BAZ2B: variants seen among roughly 807,000 people sequenced by gnomAD.
BAZ2B encodes the protein bromodomain adjacent to zinc finger domain protein 2B.
Under a neutral mutation model 246.0 loss-of-function variants are expected in BAZ2B, and 91 were observed. That is an observed-to-expected ratio of 0.37 (90% CI 0.31 to 0.44). The LOEUF is 0.44. Ranked by LOEUF, BAZ2B falls within the 20% of genes least tolerant of loss-of-function variation. BAZ2B has a pLI of 1.00. For missense variants in BAZ2B, 2,332 were observed against 2,533.7 expected (o/e 0.92, Z 1.71); for synonymous variants, 855 against 860.0 (o/e 0.99, Z 0.10).
chr2:159,564,599 GAAAA>G (rs201646075), intron 1 of BAZ2B, among the ~76,000 whole-genome samples: 1 of 151,640 alleles, frequency 6.6e-6, no homozygotes, highest in Admixed American at 6.6e-5. Context: ...GACTAAACAA[GAAAA>G]AAAACAGAAT....
At chr2:159,425,511 A>T (rs2069649854) in intron 13 of BAZ2B, among the ~76,000 whole-genome samples, 1 of 152,194 alleles carries the variant, frequency 6.6e-6, no homozygotes, top group South Asian at 2.1e-4. Context: ...TAAAACAAGC[A>T]AATTTTAGAA....
intron 6 of BAZ2B, among the ~76,000 whole-genome samples, chr2:159,440,866 A>T (rs1230225488): frequency 6.6e-6 from 1 of 152,050 alleles, no homozygotes; most frequent in Non-Finnish European, 1.5e-5. Context: ...TCTTTCAAAG[A>T]TACACACTTC....
intron 1 of BAZ2B, chr2:159,615,148 GAAAGA>G (rs1184479018): frequency 6.6e-6 from 1 of 152,126 alleles, no homozygotes; most frequent in Non-Finnish European, 1.5e-5. Flanking sequence ...TACAGAGGGA[GAAAGA>G]AAAGAAGAGA....
At chr2:159,356,415 C>T (rs780822369) in intron 27 of BAZ2B, among the ~76,000 whole-genome samples, 26 of 152,202 alleles carry the variant, frequency 1.7e-4, no homozygotes, top group Admixed American at 3.3e-4. Flanking sequence ...TCAGCAAAGC[C>T]GCTGTAGCCA....
intron 30 of BAZ2B, 91 bp from the exon 31 acceptor site, chr2:159,347,737 A>T: frequency 9.3e-7 from 1 of 1,074,010 alleles, no homozygotes; most frequent in Non-Finnish European, 1.3e-6. Flanking sequence ...ATTCTAGGAG[A>T]CCCATGTACA....
chr2:159,507,127 T>C (rs986443312), intron 2 of BAZ2B, among the ~76,000 whole-genome samples: 3 of 152,148 alleles, frequency 2.0e-5, no homozygotes, highest in Non-Finnish European at 4.4e-5. Context: ...TAATTACAAA[T>C]CAAGGCCTTC....
intron 1 of BAZ2B, among the ~76,000 whole-genome samples, chr2:159,597,537 A>AT (rs1239365579): frequency 2.0e-5 from 3 of 151,788 alleles, no homozygotes; most frequent in African/African-American, 7.2e-5. Flanking sequence ...ACTTTTTAAA[A>AT]TTTTTTTTTG....
intron 19 of BAZ2B, 64 bp downstream of exon 19, chr2:159,397,281 A>G (rs539482321): frequency 7.4e-7 from 1 of 1,353,430 alleles, no homozygotes; most frequent in East Asian, 2.3e-5. Flanking sequence ...ATTTTCCCCC[A>G]AATAGGTTTA....
chr2:159,327,715 G>C (rs1046997974), intron 34 of BAZ2B, among the ~76,000 whole-genome samples: 1 of 152,110 alleles, frequency 6.6e-6, no homozygotes, highest in Non-Finnish European at 1.5e-5. Context: ...GTTTCTATTT[G>C]AACTAAAATA....
At position 159,429,261 on chromosome 2, in the gene BAZ2B, C is replaced by A; in HGVS notation, c.2195-1G>T. 6.5e-7 allele frequency: 1 copy of A among 1,537,616 alleles called. No homozygotes were observed. Among genetic ancestry groups the A allele is most frequent in the South Asian group, 1.3e-5 (1 of 75,100 alleles). ...GTTACTCTTCTTCTTTTGGAAGTGC[C>A]TTTAAAAAAATTCAATTGGTTAATA... is the stretch of plus-strand genomic sequence containing the variant. On this transcript the variant is annotated splice_acceptor_variant, in intron 10 of 36. Coordinates refer to ENST00000392783, the MANE Select transcript of BAZ2B (RefSeq NM_013450.4). LOFTEE classifies it high-confidence loss of function.
At chr2:159,537,302 T>C (rs1159129114) in intron 2 of BAZ2B, among the ~76,000 whole-genome samples, 1 of 152,202 alleles carries the variant, frequency 6.6e-6, no homozygotes, top group Non-Finnish European at 1.5e-5. Flanking sequence ...AGACTTTTAG[T>C]TTTGAAAGAT....
the BAZ2B span, among the ~76,000 whole-genome samples, chr2:159,642,288 A>G: frequency 7.3e-6 from 1 of 137,060 alleles, no homozygotes; most frequent in African/African-American, 2.8e-5. Context: ...CCTAGGCTGG[A>G]GTGCAATAGC....
intron 3 of BAZ2B, among the ~76,000 whole-genome samples, chr2:159,454,266 C>T (rs796845381): frequency 6.6e-6 from 1 of 152,100 alleles, no homozygotes; most frequent in African/African-American, 2.4e-5. Context: ...CAAGGCCATC[C>T]CAGTTTCAAC....
intron 8 of BAZ2B, among the ~76,000 whole-genome samples, chr2:159,436,550 A>G (rs192165273): frequency 2.8e-4 from 43 of 152,286 alleles, no homozygotes; most frequent in Non-Finnish European, 5.1e-4. Context: ...GGAGTTTGTG[A>G]CTAGCCTGGC....
chr2:159,705,194 T>C, the BAZ2B span, among the ~76,000 whole-genome samples: 1 of 152,018 alleles, frequency 6.6e-6, no homozygotes, highest in Non-Finnish European at 1.5e-5. Flanking sequence ...CTAATTTTTG[T>C]ATTTTTTTGT....
chr2:159,337,112 G>A (rs773179637), intron 32 of BAZ2B, 35 bp from the exon 33 acceptor site: 1 of 1,586,148 alleles, frequency 6.3e-7, no homozygotes, highest in African/African-American at 1.4e-5. Context: ...AGTAGGTCAT[G>A]TCCACACTTA....
intron 2 of BAZ2B, among the ~76,000 whole-genome samples, chr2:159,548,893 G>A (rs1288784975): frequency 6.6e-6 from 1 of 152,122 alleles, no homozygotes; most frequent in Non-Finnish European, 1.5e-5. Context: ...CTCATCACTA[G>A]GTATCTAGCA....
At chr2:159,435,777 A>G (rs1367349467) in intron 8 of BAZ2B, among the ~76,000 whole-genome samples, 2 of 152,250 alleles carry the variant, frequency 1.3e-5, no homozygotes, top group Non-Finnish European at 2.9e-5. Context: ...GGCGAGAGCC[A>G]CCGCACTCAG....
chr2:159,668,557 C>G, the BAZ2B span, among the ~76,000 whole-genome samples: 1 of 152,124 alleles, frequency 6.6e-6, no homozygotes, highest in Non-Finnish European at 1.5e-5. Context: ...TCTCTTTTAT[C>G]TCAATCATGT....
Sources: allele counts gnomAD v4.1 joint callset (sites outside exome capture counted in the v4.1 genomes callset), GRCh38; gene constraint gnomAD v4.1.1; transcripts MANE v1.5; gene names NCBI Gene and HGNC (gene_info 2026-07-23, HGNC 2026-07-21).